ASTL: variants seen among roughly 807,000 people sequenced by gnomAD.
ASTL encodes the protein astacin like metalloendopeptidase.
Under a neutral mutation model 36.7 loss-of-function variants are expected in ASTL, and 27 were observed. The ratio of observed to expected loss-of-function variants is 0.73; its 90% CI spans 0.54 to 1.01. ASTL has a LOEUF of 1.01. Among genes scored for constraint, ASTL ranks in the 50% least tolerant of loss-of-function variants. The probability of loss-of-function intolerance (pLI) is 0.00; values close to 1 mark genes in which losing one functional copy is unlikely to be tolerated. For synonymous variants in ASTL, 222 were observed against 228.1 expected, an observed-to-expected ratio of 0.97 and a Z score of 0.24; for missense variants, 524 against 572.8, an observed-to-expected ratio of 0.91 and a Z score of 0.87.
rs567686090 is a variant in ASTL at position 96,132,811 on chromosome 2, G to A, written c.456-90C>T. The stretch of plus-strand genomic sequence containing the variant: ...GGCTCTCCCTCCCCACACAACACAA[G>A]ATAGACAAACTCCCAACAGGCAGGC... On this transcript the variant is annotated intron_variant, in intron 5 of 8. Transcript: ENST00000342380. This position sits in a 1 kb window ranked among gnomAD's most constrained non-coding sequence, Gnocchi z 5.4. 109 of 1,249,450 alleles carry A rather than the reference G, an allele frequency of 8.7e-5. 1 individual carries two copies. In the African/African-American group the frequency reaches 1.4e-3, roughly 16 times the overall value. 77.4% of individuals were successfully genotyped at this position (1,249,450 alleles called of 1,614,324 possible). A position where few individuals can be genotyped will look rare whatever the true frequency, so the allele number is the denominator to read the frequency against.
At position 96,137,701 on chromosome 2, in the gene ASTL, C is replaced by T; in HGVS notation, c.56-1G>A. On this transcript the variant is annotated splice_acceptor_variant, in intron 1 of 8. Coordinates refer to ENST00000342380, the MANE Select transcript of ASTL (RefSeq NM_001002036.4). LOFTEE classifies it high-confidence loss of function. ...GCCAGGGGCGCTCCTAGGATCACAC[C>T]TGGTCCAGACAGACAGGGGCATACA... The T allele has an allele frequency of 6.2e-7, 1 of 1,611,628 alleles. No homozygotes were observed.
chr2:96,129,746 C>T, intron 8 of ASTL, 78 bp downstream of exon 8: 1 of 1,400,878 alleles, frequency 7.1e-7, no homozygotes, highest in Non-Finnish European at 9.6e-7. Context: ...TCATCTCCCT[C>T]CTTGTCACCC....
At chr2:96,134,908 C>A (rs888534877) in intron 3 of ASTL, among the ~76,000 whole-genome samples, 2 of 152,236 alleles carry the variant, frequency 1.3e-5, no homozygotes, top group South Asian at 4.1e-4. Context: ...GATGCGGCCC[C>A]TCGACCACAG....
chr2:96,130,954 C>A (rs775332461), intron 6 of ASTL, among the ~76,000 whole-genome samples: 1 of 152,208 alleles, frequency 6.6e-6, no homozygotes, highest in Non-Finnish European at 1.5e-5. Flanking sequence ...TTCCCACCTC[C>A]CCGCCCCACA....
chr2:96,125,089 C>T (rs1682038507), intron 8 of ASTL, among the ~76,000 whole-genome samples: 1 of 152,220 alleles, frequency 6.6e-6, no homozygotes, highest in African/African-American at 2.4e-5. Context: ...AGATACTCCC[C>T]AGACCCAGCA....
rs1682192676 is a variant in ASTL, at chr2:96,132,163, C to T, written c.637+377G>A. 6.6e-6 allele frequency among the ~76,000 whole-genome samples: 1 copy of T among 152,222 alleles called. No individual in the cohort carries two copies. On this transcript the variant is annotated intron_variant, in intron 6 of 8. Coordinates refer to ENST00000342380, the MANE Select transcript of ASTL (RefSeq NM_001002036.4). This position sits in a 1 kb window ranked among gnomAD's most constrained non-coding sequence, Gnocchi z 5.4. Reference sequence around the variant, plus strand: ...CAGCTCCCCAAGCTGGCACACAGCCCCAGTCCATGGTGGTGGTATCTGGTA... The same window carrying T: ...CAGCTCCCCAAGCTGGCACACAGCCTCAGTCCATGGTGGTGGTATCTGGTA...
At chr2:96,131,475 T>A (rs535169129) in intron 6 of ASTL, among the ~76,000 whole-genome samples, 2 of 152,332 alleles carry the variant, frequency 1.3e-5, no homozygotes, top group South Asian at 4.1e-4. Flanking sequence ...TGGTATATCA[T>A]AAAATTATCA....
chr2:96,125,412 G>A, intron 8 of ASTL, among the ~76,000 whole-genome samples: 1 of 152,040 alleles, frequency 6.6e-6, no homozygotes, highest in East Asian at 1.9e-4. Flanking sequence ...GTCTATTCCT[G>A]TCTTCTTCCT....
chr2:96,123,118 C>G lies in ASTL; in HGVS notation c.*732G>C, dbSNP rs1223739754. Among the ~76,000 whole-genome samples, 1 of 152,212 alleles carries G rather than the reference C, an allele frequency of 6.6e-6. No homozygotes were observed. The highest frequency in any genetic ancestry group is 2.4e-5 in the African/African-American group (1 of 41,458). On this transcript the variant is annotated 3_prime_UTR_variant, in exon 9 of 9. Transcript: ENST00000342380. The stretch of plus-strand genomic sequence containing the variant: ...CCTGGAGGAGGACAAGCCAGGTAAC[C>G]CCAGCCCTTTCTCCTTCCAAGGCTG...
chr2:96,135,627 C>T (rs1203078990), intron 2 of ASTL, among the ~76,000 whole-genome samples: 1 of 152,242 alleles, frequency 6.6e-6, no homozygotes, highest in African/African-American at 2.4e-5. Context: ...TTGAGAATGT[C>T]AGCCACCCTG....
At chr2:96,136,263 T>C (rs1232558409) in intron 2 of ASTL, among the ~76,000 whole-genome samples, 1 of 152,238 alleles carries the variant, frequency 6.6e-6, no homozygotes, top group Non-Finnish European at 1.5e-5. Flanking sequence ...CTCCTGTCCC[T>C]TAGAAGTCAC....
chr2:96,137,103 A>G (rs896098840), intron 2 of ASTL, among the ~76,000 whole-genome samples: 1 of 152,072 alleles, frequency 6.6e-6, no homozygotes, highest in Non-Finnish European at 1.5e-5. Flanking sequence ...TCAGCCTCCC[A>G]AAGTGCTGGG....
At chr2:96,126,280 T>C (rs1389815346) in intron 8 of ASTL, among the ~76,000 whole-genome samples, 1 of 152,210 alleles carries the variant, frequency 6.6e-6, no homozygotes, top group Non-Finnish European at 1.5e-5. Flanking sequence ...ATGAGGGACA[T>C]GTGTCTAGAA....
rs368954178 is a variant in ASTL, at chr2:96,131,289, A to AT, written c.638-1145dup. ...CCATTGGCTTTTCTAGTCTTTCATG[A>AT]TTTTTTTTTAGAATTGCTGTACTTT... On this transcript the variant is annotated intron_variant, in intron 6 of 8. Transcript: ENST00000342380. Among the ~76,000 whole-genome samples the AT allele has an allele frequency of 4.8e-3, 729 of 151,230 alleles. 7 individuals carry two copies. Among genetic ancestry groups the AT allele is most frequent in the African/African-American group, 0.016 (678 of 41,202 alleles).
intron 2 of ASTL, among the ~76,000 whole-genome samples, chr2:96,135,702 C>T (rs1180684660): frequency 1.3e-5 from 2 of 152,202 alleles, no homozygotes; most frequent in African/African-American, 4.8e-5. Flanking sequence ...GGCTTGGGGT[C>T]TGTCCCTCTC....
chr2:96,124,133 C>T lies in ASTL; in HGVS notation c.1013G>A (p.Gly338Glu), dbSNP rs1558712668. The stretch of plus-strand genomic sequence containing the variant: ...CCACCCATGTGGGCTCTCCCCAGGC[C>T]CTGCAGGAACGGGCTGGCCTCCCGC... ...SSAGGQPVPAGPGESPHGWES... is the reference protein window; with the variant it reads ...SSAGGQPVPAEPGESPHGWES... The change falls in exon 9 of 9, where the codon GGG (glycine) becomes GAG (glutamate). Residue 338 changes from glycine to glutamate, a missense_variant. Gly to Glu is a moderately conservative substitution (Grantham distance 98). Transcript: ENST00000342380. This position sits in a 1 kb window ranked among gnomAD's most constrained non-coding sequence, Gnocchi z 4.1. The T allele has an allele frequency of 6.3e-7, 1 of 1,582,932 alleles. No homozygotes were observed. The highest frequency in any genetic ancestry group is 1.3e-5 in the African/African-American group (1 of 74,236).
intron 6 of ASTL, among the ~76,000 whole-genome samples, chr2:96,131,365 G>A (rs985236865): frequency 2.6e-5 from 4 of 151,978 alleles, no homozygotes; most frequent in African/African-American, 9.7e-5. Flanking sequence ...TTCTGAATAG[G>A]AGAAGCTTTC....
chr2:96,133,835 T>C, intron 4 of ASTL, 130 bp downstream of exon 4: 1 of 716,742 alleles, frequency 1.4e-6, no homozygotes, highest in Middle Eastern at 2.3e-4. Context: ...GAAGGGCATC[T>C]GTGGACAGGT....
intron 3 of ASTL, 147 bp downstream of exon 3, chr2:96,135,203 AG>A: frequency 1.6e-6 from 1 of 612,610 alleles, no homozygotes; most frequent in South Asian, 2.0e-5. Flanking sequence ...CTAACAGAAC[AG>A]TCGCTCTGAC....
Sources: allele counts gnomAD v4.1 joint callset (sites outside exome capture counted in the v4.1 genomes callset), GRCh38; gene constraint gnomAD v4.1.1; non-coding constraint Gnocchi (gnomAD v3.1); transcripts MANE v1.5; gene names NCBI Gene and HGNC (gene_info 2026-07-23, HGNC 2026-07-21).